The following MACROD2 variants were observed in gnomAD, a reference collection of about 807,000 sequenced individuals.
MACROD2 encodes ADP-ribose glycohydrolase MACROD2.
In MACROD2, 36 loss-of-function variants were observed where a neutral mutation model predicts 70.4. The observed-to-expected ratio is 0.51, with a 90% CI of 0.39 to 0.68. The LOEUF (loss-of-function observed/expected upper bound fraction) is 0.68. MACROD2 is among the 30% of genes least tolerant of loss of function. The pLI, the probability that MACROD2 is intolerant of heterozygous loss-of-function variation, is 0.00. For missense variants in MACROD2, 496 were observed against 538.4 expected (o/e 0.92, Z 0.78); for synonymous variants, 172 against 178.8 (o/e 0.96, Z 0.30).
In MACROD2 at chr20:14,291,724, A is replaced by G. The variant is rs562568465; in HGVS notation, c.272-201755A>G. ...TAACATTCCACATGTAAGTACTGAA[A>G]AAGTACTGCACTGACTGTTTCTGCA... On this transcript the variant is annotated intron_variant, in intron 3 of 17. Coordinates refer to ENST00000684519, the MANE Select transcript of MACROD2 (RefSeq NM_001351661.2). Among the ~76,000 whole-genome samples, 68 of 152,032 alleles carry G rather than the reference A, an allele frequency of 4.5e-4. 3 individuals carry two copies. Among genetic ancestry groups the G allele is most frequent in the African/African-American group, 1.5e-3 (60 of 41,338 alleles).
intron 3 of MACROD2, among the ~76,000 whole-genome samples, chr20:14,336,504 T>TTG (rs928358312): frequency 2.0e-5 from 3 of 152,238 alleles, no homozygotes; most frequent in African/African-American, 7.2e-5. Flanking sequence ...TTTTCAAGCT[T>TTG]TGTAGTATAA....
At chr20:15,069,348 A>G (rs908235388) in intron 5 of MACROD2, among the ~76,000 whole-genome samples, 1 of 152,204 alleles carries the variant, frequency 6.6e-6, no homozygotes, top group African/African-American at 2.4e-5. Context: ...GTAGAAAAGG[A>G]AAAAGCATTT....
At chr20:14,714,495 T>C (rs749199646) in intron 5 of MACROD2, among the ~76,000 whole-genome samples, 18 of 152,304 alleles carry the variant, frequency 1.2e-4, no homozygotes, top group Non-Finnish European at 2.2e-4. Context: ...TATATTCTTA[T>C]TTTTTCCTCC....
At chr20:15,226,505 T>A (rs867451428) in intron 5 of MACROD2, among the ~76,000 whole-genome samples, 1 of 152,240 alleles carries the variant, frequency 6.6e-6, no homozygotes, top group Admixed American at 6.5e-5. Flanking sequence ...TACATATATA[T>A]GTCCACTATG....
rs558043298 is a variant in MACROD2 at position 14,975,294 on chromosome 20, G to C, written c.419-254646G>C. Among the ~76,000 whole-genome samples, 268 of 152,184 alleles carry C rather than the reference G, an allele frequency of 1.8e-3. 2 individuals are homozygous for C. The highest frequency in any genetic ancestry group is 6.5e-4 in the Non-Finnish European group (44 of 68,006). ...GGCTGAGAGGAGGAACAGACACTTG[G>C]GGAGTGTGACAGTGGTTGACGTGGT... On this transcript the variant is annotated intron_variant, in intron 5 of 17. Transcript: ENST00000684519.
intron 3 of MACROD2, among the ~76,000 whole-genome samples, chr20:14,109,254 G>A (rs4814280): frequency 0.99 from 151,088 of 152,056 alleles, 75,071 homozygotes; most frequent in East Asian, 1. Context: ...AACCTATGGG[G>A]TATAAAGAAA....
intron 3 of MACROD2, among the ~76,000 whole-genome samples, chr20:14,380,823 T>C (rs561908304): frequency 1.3e-5 from 2 of 152,328 alleles, no homozygotes; most frequent in South Asian, 4.1e-4. Flanking sequence ...ATAGTGACTA[T>C]TGAAATCAGG....
chr20:14,572,450 T>C (rs1980257169), intron 4 of MACROD2, among the ~76,000 whole-genome samples: 2 of 152,072 alleles, frequency 1.3e-5, no homozygotes, highest in South Asian at 4.2e-4. Flanking sequence ...AAGAAAAATA[T>C]GTGAAATATT....
At chr20:14,442,911 C>T (rs2084140897) in intron 3 of MACROD2, among the ~76,000 whole-genome samples, 1 of 151,924 alleles carries the variant, frequency 6.6e-6, no homozygotes, top group Admixed American at 6.6e-5. Context: ...CCCGTCTCTA[C>T]TAAAAATACA....
chr20:14,633,919 G>A (rs1984646034), intron 4 of MACROD2, among the ~76,000 whole-genome samples: 2 of 152,112 alleles, frequency 1.3e-5, no homozygotes, highest in Admixed American at 6.6e-5. Flanking sequence ...CACTACCATG[G>A]CCATCTAATT....
chr20:14,054,579 T>TAA (rs2053611884), intron 2 of MACROD2, among the ~76,000 whole-genome samples: 1 of 152,136 alleles, frequency 6.6e-6, no homozygotes, highest in African/African-American at 2.4e-5. Flanking sequence ...TTGAAGTTTT[T>TAA]AAACTTTAAA....
intron 3 of MACROD2, among the ~76,000 whole-genome samples, chr20:14,459,065 A>G (rs2084336823): frequency 6.6e-6 from 1 of 152,086 alleles, no homozygotes; most frequent in Non-Finnish European, 1.5e-5. Flanking sequence ...AATAAATATT[A>G]ATTTATTACC....
At chr20:14,837,191 A>T (rs183399188) in intron 5 of MACROD2, among the ~76,000 whole-genome samples, 1 of 152,184 alleles carries the variant, frequency 6.6e-6, no homozygotes, top group Non-Finnish European at 1.5e-5. Flanking sequence ...TAAATATCTA[A>T]AAAAAGACAA....
At chr20:15,107,585 A>C (rs940457840) in intron 5 of MACROD2, among the ~76,000 whole-genome samples, 1 of 152,046 alleles carries the variant, frequency 6.6e-6, no homozygotes, top group African/African-American at 2.4e-5. Flanking sequence ...GATCATGACA[A>C]AAGTCTATGC....
intron 3 of MACROD2, among the ~76,000 whole-genome samples, chr20:14,216,459 T>G (rs935455788): frequency 6.6e-6 from 1 of 152,216 alleles, no homozygotes; most frequent in Non-Finnish European, 1.5e-5. Context: ...GATTTGTTCT[T>G]TTTGCTTAGT....
intron 15 of MACROD2, among the ~76,000 whole-genome samples, chr20:16,008,156 G>GA (rs1421969558): frequency 6.6e-6 from 1 of 152,238 alleles, no homozygotes; most frequent in East Asian, 1.9e-4. Flanking sequence ...GAACTGAAAT[G>GA]AACCTGGCCT....
chr20:14,701,217 CAT>C (rs2071192775), intron 5 of MACROD2, among the ~76,000 whole-genome samples: 1 of 151,884 alleles, frequency 6.6e-6, no homozygotes, highest in African/African-American at 2.4e-5. Context: ...TTTGTATTTC[CAT>C]ATGTCACTGC....
chr20:14,527,085 T>C (rs1432752071), intron 4 of MACROD2, among the ~76,000 whole-genome samples: 1 of 152,204 alleles, frequency 6.6e-6, no homozygotes, highest in Non-Finnish European at 1.5e-5. Context: ...GGGCCTCCGC[T>C]TGGCGGACTG....
intron 5 of MACROD2, among the ~76,000 whole-genome samples, chr20:14,791,853 A>AT (rs906247018): frequency 2.9e-4 from 44 of 151,660 alleles, no homozygotes; most frequent in African/African-American, 8.5e-4. Flanking sequence ...ATATAATTAT[A>AT]TTTTTTACTT....
Sources: gnomAD v4.1 joint callset for allele counts (sites outside exome capture counted in the v4.1 genomes callset) on GRCh38, gnomAD v4.1.1 for gene constraint, MANE v1.5 for transcripts, NCBI Gene and HGNC (gene_info 2026-07-23, HGNC 2026-07-21) for gene names.